Variants in ARMH3 observed in about 807,000 individuals in gnomAD.
ARMH3 encodes the protein armadillo like helical domain containing 3.
ARMH3 carries 60 observed loss-of-function variants against 99.1 expected under a neutral mutation model. The ratio of observed to expected loss-of-function variants is 0.61; its 90% CI spans 0.49 to 0.75. ARMH3 has a LOEUF of 0.75. Among genes scored for constraint, ARMH3 ranks in the 30% least tolerant of loss-of-function variants. ARMH3 has a pLI of 0.00. For synonymous variants in ARMH3, 285 were observed against 292.8 expected (o/e 0.97, Z 0.27); for missense variants, 679 against 843.1 (o/e 0.81, Z 2.41).
chr10:101,997,741 CTATT>C (rs1352819227), intron 15 of ARMH3, among the ~76,000 whole-genome samples: 2 of 151,922 alleles, frequency 1.3e-5, no homozygotes, highest in South Asian at 4.2e-4. Flanking sequence ...ATAAGTTATG[CTATT>C]TATTATAGTT....
chr10:101,907,789 T>C lies in ARMH3; in HGVS notation c.1782-18299A>G, dbSNP rs1355590804. 3.9e-5 allele frequency among the ~76,000 whole-genome samples: 6 copies of C among 152,182 alleles called. No individual in the cohort carries two copies. The South Asian group carries it at 8.3e-4, about 21-fold the overall frequency. On this transcript the variant is annotated intron_variant, in intron 23 of 25. Coordinates refer to ENST00000370033, the MANE Select transcript of ARMH3 (RefSeq NM_024541.3). ...GCCTGTTTTTCAGCAGTAACCGATC[T>C]TGGAAAATGCAAGGTTAAAACCCAA...
intron 23 of ARMH3, among the ~76,000 whole-genome samples, chr10:101,907,285 GT>G (rs1369007116): frequency 6.6e-5 from 10 of 151,982 alleles, no homozygotes; most frequent in Non-Finnish European, 5.9e-5. Flanking sequence ...TTACTGAGAA[GT>G]TATAGTGAAT....
chr10:102,000,856 A>G (rs1246936668), intron 15 of ARMH3, among the ~76,000 whole-genome samples: 3 of 151,926 alleles, frequency 2.0e-5, no homozygotes, highest in African/African-American at 7.2e-5. Flanking sequence ...TCACTCTGTC[A>G]TGCAAGCTGG....
At chr10:101,864,488 CA>C (rs2066953049) in intron 24 of ARMH3, among the ~76,000 whole-genome samples, 1 of 152,116 alleles carries the variant, frequency 6.6e-6, no homozygotes, top group African/African-American at 2.4e-5. Flanking sequence ...GATTTGGAAC[CA>C]ACCCAAATAT....
At chr10:101,864,760 G>A (rs1202019511) in intron 24 of ARMH3, among the ~76,000 whole-genome samples, 4 of 152,070 alleles carry the variant, frequency 2.6e-5, no homozygotes, top group African/African-American at 9.7e-5. Context: ...GGGAGAGGGG[G>A]AAGGGATAGC....
Position 101,864,948 on chromosome 10 carries a change from A to T in ARMH3, c.1861-15056T>A, listed in dbSNP as rs182755473. Among the ~76,000 whole-genome samples, 322 of 151,784 alleles carry T rather than the reference A, an allele frequency of 2.1e-3. 2 individuals are homozygous for T. The highest frequency in any genetic ancestry group is 0.01 in the Middle Eastern group (3 of 294). On this transcript the variant is annotated intron_variant, in intron 24 of 25. Coordinates refer to ENST00000370033, the MANE Select transcript of ARMH3 (RefSeq NM_024541.3). ...GCCCTGACGCAGCTCAAAAAAAAAA[A>T]TTTTTTTTTAATTATATTAAAGCTT...
chr10:101,927,057 T>A (rs1317752608), intron 23 of ARMH3, among the ~76,000 whole-genome samples: 1 of 152,034 alleles, frequency 6.6e-6, no homozygotes, highest in Non-Finnish European at 1.5e-5. Flanking sequence ...CCTCTCAATC[T>A]CTCTCTTCCC....
chr10:102,031,149 T>A (rs926945290), intron 4 of ARMH3, among the ~76,000 whole-genome samples: 8 of 152,188 alleles, frequency 5.3e-5, no homozygotes, highest in Non-Finnish European at 1.2e-4. Context: ...GCCAACTGCT[T>A]CAAATCTTAA....
intron 23 of ARMH3, among the ~76,000 whole-genome samples, chr10:101,920,897 A>C (rs1178999198): frequency 6.6e-6 from 1 of 152,246 alleles, no homozygotes; most frequent in Non-Finnish European, 1.5e-5. Context: ...CAGTCACAAA[A>C]AGATAAATAC....
chr10:101,915,742 G>T (rs1364209482), intron 23 of ARMH3, among the ~76,000 whole-genome samples: 4 of 151,738 alleles, frequency 2.6e-5, no homozygotes, highest in African/African-American at 9.7e-5. Flanking sequence ...GAGGGGAGTG[G>T]AAGTTGTCTC....
At chr10:102,052,203 T>C (rs1590245793) in intron 1 of ARMH3, among the ~76,000 whole-genome samples, 1 of 151,698 alleles carries the variant, frequency 6.6e-6, no homozygotes, top group East Asian at 1.9e-4. Context: ...TAAGATAAAG[T>C]CCCATAATCA....
At chr10:101,869,341 C>A (rs1326844190) in intron 24 of ARMH3, among the ~76,000 whole-genome samples, 1 of 152,086 alleles carries the variant, frequency 6.6e-6, no homozygotes, top group African/African-American at 2.4e-5. Context: ...GAACATTCAA[C>A]AAGATGGACT....
At chr10:101,970,817 A>C (rs1845733083) in intron 20 of ARMH3, among the ~76,000 whole-genome samples, 1 of 151,038 alleles carries the variant, frequency 6.6e-6, no homozygotes, top group Non-Finnish European at 1.5e-5. Flanking sequence ...ACCCTGTCTC[A>C]AAAAATAAAT....
rs1432973036 is a variant in ARMH3, at chr10:101,857,100, A to G, written c.1861-7208T>C. On this transcript the variant is annotated intron_variant, in intron 24 of 25. Transcript: ENST00000370033. Reference sequence around the variant, plus strand: ...GGTTTGCTCCCCACACTACCTTTCTAAGCTGTTCACTGTTCTGACCTTTCT... The same window carrying G: ...GGTTTGCTCCCCACACTACCTTTCTGAGCTGTTCACTGTTCTGACCTTTCT... Among the ~76,000 whole-genome samples, 3 of 152,250 alleles carry G rather than the reference A, an allele frequency of 2.0e-5. No homozygotes were observed. In the East Asian group the frequency reaches 5.8e-4, roughly 29 times the overall value.
intron 24 of ARMH3, among the ~76,000 whole-genome samples, chr10:101,873,135 G>A (rs1474320667): frequency 6.6e-6 from 1 of 150,696 alleles, no homozygotes; most frequent in East Asian, 2.0e-4. Flanking sequence ...CGGGCACAGT[G>A]GCTCACGTCT....
chr10:101,899,941 T>G (rs2067934652), intron 23 of ARMH3, among the ~76,000 whole-genome samples: 2 of 152,102 alleles, frequency 1.3e-5, no homozygotes, highest in Admixed American at 1.3e-4. Flanking sequence ...CTTTACCCAA[T>G]GATCCAATGT....
At chr10:102,015,788 A>G (rs1459028805) in intron 8 of ARMH3, among the ~76,000 whole-genome samples, 2 of 152,184 alleles carry the variant, frequency 1.3e-5, no homozygotes, top group Non-Finnish European at 2.9e-5. Context: ...CATAAAGCTA[A>G]GTTTCTATTT....
At chr10:102,027,936 T>C (rs2067035998) in intron 5 of ARMH3, among the ~76,000 whole-genome samples, 1 of 151,564 alleles carries the variant, frequency 6.6e-6, no homozygotes, top group East Asian at 1.9e-4. Context: ...TGTCCAACAC[T>C]GCAAATCATA....
chr10:101,966,443 A>T (rs1845548566), intron 20 of ARMH3, among the ~76,000 whole-genome samples: 1 of 151,480 alleles, frequency 6.6e-6, no homozygotes, highest in Non-Finnish European at 1.5e-5. Flanking sequence ...CGCCTGGCTA[A>T]TTTTTGTATT....
Sources: allele counts gnomAD v4.1 joint callset (sites outside exome capture counted in the v4.1 genomes callset), GRCh38; gene constraint gnomAD v4.1.1; transcripts MANE v1.5; gene names NCBI Gene and HGNC (gene_info 2026-07-23, HGNC 2026-07-21).